PCDHGA3: variants seen among roughly 807,000 people sequenced by gnomAD.
The protein encoded by PCDHGA3 is protocadherin gamma-A3.
Under a neutral mutation model 58.5 loss-of-function variants are expected in PCDHGA3, and 40 were observed. The observed-to-expected ratio is 0.68, with a 90% CI of 0.53 to 0.89. The LOEUF is 0.89. PCDHGA3 is among the 40% of genes least tolerant of loss of function. The pLI is 0.00. For synonymous variants in PCDHGA3, 530 were observed against 525.7 expected, an observed-to-expected ratio of 1.01 and a Z score of -0.11; for missense variants, 1,223 against 1,195.9, an observed-to-expected ratio of 1.02 and a Z score of -0.33.
intron 1 of PCDHGA3, chr5:141,423,860 G>A: frequency 7.8e-7 from 1 of 1,283,074 alleles, no homozygotes; most frequent in Non-Finnish European, 9.9e-7. Context: ...ACGTTTTTGT[G>A]AAAGTCATTT....
At chr5:141,480,298 C>T (rs1238380283) in intron 1 of PCDHGA3, among the ~76,000 whole-genome samples, 1 of 132,676 alleles carries the variant, frequency 7.5e-6, no homozygotes, top group Non-Finnish European at 1.6e-5. Flanking sequence ...ACCTGTGGTA[C>T]CAGCTACTTG....
chr5:141,372,027 A>G (rs764132695), intron 1 of PCDHGA3: 3 of 1,613,296 alleles, frequency 1.9e-6, no homozygotes, highest in Non-Finnish European at 2.5e-6. Flanking sequence ...GCTCAGCGCC[A>G]ACGTGAGCCT....
intron 1 of PCDHGA3, among the ~76,000 whole-genome samples, chr5:141,492,922 T>C (rs1191111432): frequency 1.3e-5 from 2 of 152,194 alleles, no homozygotes; most frequent in Non-Finnish European, 2.9e-5. Context: ...TGCCCAGCGA[T>C]CTAGGGTCAG....
At chr5:141,406,185 A>G (rs1204342088) in intron 1 of PCDHGA3, among the ~76,000 whole-genome samples, 1 of 150,712 alleles carries the variant, frequency 6.6e-6, no homozygotes, top group Non-Finnish European at 1.5e-5. Flanking sequence ...CAATCCTCCC[A>G]CCTCAGCCTT....
In PCDHGA3 at chr5:141,432,785, G is replaced by A. The variant is rs1356593437; in HGVS notation, c.2425-62022G>A. 2.5e-6 allele frequency: 4 copies of A among 1,613,992 alleles called. No individual in the cohort carries two copies. The African/African-American group carries it at 4.0e-5, about 16-fold the overall frequency. On this transcript the variant is annotated intron_variant, in intron 1 of 3. Transcript: ENST00000253812. The surrounding 1 kb of genome is among the most constrained non-coding windows in gnomAD (Gnocchi z 6.0). ...CATCCCCCAAGTCCTGGCGGACCTC[G>A]GCAGCCTCGAGTCTCCAGCTAACTC...
At chr5:141,350,650 C>G in intron 1 of PCDHGA3, 9 of 1,614,020 alleles carry the variant, frequency 5.6e-6, no homozygotes, top group Non-Finnish European at 6.8e-6. Context: ...CACCACGTTT[C>G]GTTGCAAAAG....
intron 1 of PCDHGA3, chr5:141,433,227 T>C (rs1178649427): frequency 6.5e-6 from 10 of 1,528,034 alleles, no homozygotes; most frequent in Non-Finnish European, 8.9e-6. Context: ...TTTTAATTGC[T>C]CTGTCTCCCA....
intron 1 of PCDHGA3, among the ~76,000 whole-genome samples, chr5:141,358,037 A>G (rs1416224011): frequency 6.6e-6 from 1 of 152,124 alleles, no homozygotes; most frequent in Non-Finnish European, 1.5e-5. Flanking sequence ...TAAAATACAA[A>G]AAGTTAGCTA....
intron 1 of PCDHGA3, chr5:141,421,938 T>C (rs777643980): frequency 2.9e-5 from 46 of 1,613,346 alleles, no homozygotes; most frequent in Non-Finnish European, 3.5e-5. Context: ...TCGATGTAAA[T>C]GATCACATCC....
In PCDHGA3 at chr5:141,388,635, C is replaced by A. The variant is rs1441074974; in HGVS notation, c.2424+42178C>A. The A allele has an allele frequency of 4.3e-6, 7 of 1,613,896 alleles. No homozygotes were observed. The highest frequency in any genetic ancestry group is 5.9e-6 in the Non-Finnish European group (7 of 1,179,864). On this transcript the variant is annotated intron_variant, in intron 1 of 3. Transcript: ENST00000253812. ...CAGTCAAGACGTATACAGGGTGAGC[C>A]TTTCAGAAAACGTGTACCCGGGGAC...
At chr5:141,376,221 C>G in intron 1 of PCDHGA3, 4 of 1,614,216 alleles carry the variant, frequency 2.5e-6, no homozygotes, top group Non-Finnish European at 3.4e-6. Context: ...GTGCTGCTGG[C>G]GCTCAGACTG....
intron 1 of PCDHGA3, chr5:141,421,700 C>G: frequency 6.2e-7 from 1 of 1,613,900 alleles, no homozygotes; most frequent in Non-Finnish European, 8.5e-7. Context: ...CTTCCTAATG[C>G]TAGGGATCCA....
chr5:141,364,680 A>G (rs751537197), intron 1 of PCDHGA3: 1 of 1,614,008 alleles, frequency 6.2e-7, no homozygotes, highest in Non-Finnish European at 8.5e-7. Flanking sequence ...ATGAAAATTT[A>G]TGGAGTAGAA....
At chr5:141,413,804 C>G in intron 1 of PCDHGA3, 1 of 1,613,194 alleles carries the variant, frequency 6.2e-7, no homozygotes, top group Non-Finnish European at 8.5e-7. Context: ...GAGGAAGAGG[C>G]CATTCACCAC....
chr5:141,395,157 C>T (rs1217678334), intron 1 of PCDHGA3: 4 of 1,614,174 alleles, frequency 2.5e-6, no homozygotes, highest in Admixed American at 1.7e-5. Context: ...GCTCATCAGT[C>T]AGGAGGGCTG....
At position 141,409,225 on chromosome 5, in the gene PCDHGA3, C is replaced by T. The variant is rs781617309; in HGVS notation, c.2424+62768C>T. 59 of 1,613,878 alleles carry T rather than the reference C, an allele frequency of 3.7e-5. 2 individuals carry two copies. The East Asian group carries it at 1.1e-3, about 30-fold the overall frequency. On this transcript the variant is annotated intron_variant, in intron 1 of 3. Coordinates refer to ENST00000253812, the MANE Select transcript of PCDHGA3 (RefSeq NM_018916.4). ...TAATCATAGAAATCCTTGATGAAAA[C>T]GACAACAGCCCAGAAATAATCATCA...
At chr5:141,483,737 G>T (rs1052778197) in intron 1 of PCDHGA3, among the ~76,000 whole-genome samples, 1 of 152,102 alleles carries the variant, frequency 6.6e-6, no homozygotes, top group Admixed American at 6.5e-5. Flanking sequence ...TAGTCAAAAG[G>T]ATATTCCTGA....
intron 1 of PCDHGA3, chr5:141,372,142 A>T: frequency 2.5e-6 from 4 of 1,613,728 alleles, no homozygotes; most frequent in Non-Finnish European, 3.4e-6. Flanking sequence ...CGCTCTGCAG[A>T]GCCTGGCTAC....
intron 1 of PCDHGA3, among the ~76,000 whole-genome samples, chr5:141,448,838 T>C (rs2098609981): frequency 6.6e-6 from 1 of 151,802 alleles, no homozygotes; most frequent in Non-Finnish European, 1.5e-5. Flanking sequence ...CCAGCTACTC[T>C]GGAGGCTGAG....
Sources: allele counts gnomAD v4.1 joint callset (sites outside exome capture counted in the v4.1 genomes callset), GRCh38; gene constraint gnomAD v4.1.1; non-coding constraint Gnocchi (gnomAD v3.1); transcripts MANE v1.5; gene names NCBI Gene and HGNC (gene_info 2026-07-23, HGNC 2026-07-21).